The following HYCC1 variants were observed in gnomAD, a reference collection of about 807,000 sequenced individuals.
HYCC1 encodes the protein hyccin.
chr7:22,995,019 T>C, the HYCC1 span, among the ~76,000 whole-genome samples: 1 of 152,142 alleles, frequency 6.6e-6, no homozygotes, highest in Non-Finnish European at 1.5e-5. Context: ...TCTTCAACAG[T>C]TCTTCAAATG....
At chr7:22,936,400 C>T in the HYCC1 span, 1 of 152,170 alleles carries the variant, frequency 6.6e-6, no homozygotes, top group Non-Finnish European at 1.5e-5. Context: ...CCTATCCTTC[C>T]AGTATAGCCG....
At chr7:22,921,865 C>T in the HYCC1 span, among the ~76,000 whole-genome samples, 4 of 152,108 alleles carry the variant, frequency 2.6e-5, no homozygotes, top group Non-Finnish European at 5.9e-5. Flanking sequence ...TAGATCCATA[C>T]AGTTCAAATC....
the HYCC1 span, among the ~76,000 whole-genome samples, chr7:22,986,791 T>C: frequency 6.6e-6 from 1 of 152,158 alleles, no homozygotes; most frequent in Non-Finnish European, 1.5e-5. Context: ...GAGGTTGCAG[T>C]GAGCTGAGAA....
At chr7:22,979,470 T>C in the HYCC1 span, among the ~76,000 whole-genome samples, 2 of 152,138 alleles carry the variant, frequency 1.3e-5, no homozygotes, top group Admixed American at 1.3e-4. Flanking sequence ...GGAGGTAAAG[T>C]CATGCCATTC....
At chr7:22,936,374 G>C in the HYCC1 span, 1 of 152,176 alleles carries the variant, frequency 6.6e-6, no homozygotes, top group Non-Finnish European at 1.5e-5. Context: ...CTGTATTGTT[G>C]AAGTTCCTGT....
the HYCC1 span, among the ~76,000 whole-genome samples, chr7:23,011,120 C>T: frequency 6.6e-6 from 1 of 152,182 alleles, no homozygotes; most frequent in Admixed American, 6.5e-5. Context: ...GGCATCTTTC[C>T]TGATGGTCCT....
the HYCC1 span, among the ~76,000 whole-genome samples, chr7:22,969,852 TATCAGTTGGTTGCCATAG>T: frequency 6.6e-6 from 1 of 152,114 alleles, no homozygotes; most frequent in Non-Finnish European, 1.5e-5. Context: ...TTGATGTAGA[TATCAGTTGGTTGCCATAG>T]GAAGAGTCCT....
chr7:22,958,736 T>C, the HYCC1 span, among the ~76,000 whole-genome samples: 1 of 152,082 alleles, frequency 6.6e-6, no homozygotes, highest in Admixed American at 6.6e-5. Flanking sequence ...GCACACATAC[T>C]CTCTCTCATA....
the HYCC1 span, among the ~76,000 whole-genome samples, chr7:22,905,386 A>ATTTTTTT: frequency 8.1e-4 from 36 of 44,456 alleles, no homozygotes; most frequent in Non-Finnish European, 1.0e-3. Context: ...CTAATTTTGT[A>ATTTTTTT]TTTTTTTTTT....
chr7:23,003,638 T>C, the HYCC1 span, among the ~76,000 whole-genome samples: 2 of 152,202 alleles, frequency 1.3e-5, no homozygotes, highest in African/African-American at 4.8e-5. Flanking sequence ...TTTTACAATG[T>C]TGGGGACAAA....
At chr7:22,977,361 T>C in the HYCC1 span, 1 of 1,594,578 alleles carries the variant, frequency 6.3e-7, no homozygotes, top group Non-Finnish European at 8.6e-7. Context: ...ACAGATGGTT[T>C]GGATAAAGAT....
the HYCC1 span, chr7:22,976,670 G>T: frequency 7.2e-7 from 1 of 1,394,864 alleles, no homozygotes; most frequent in East Asian, 2.3e-5. Context: ...ATTAAGATAA[G>T]AATTTTTATC....
At chr7:22,961,387 GA>G in the HYCC1 span, 7 of 911,104 alleles carry the variant, frequency 7.7e-6, no homozygotes, top group Admixed American at 9.3e-5. Context: ...AATACAATGA[GA>G]AACTATCTTT....
At chr7:22,934,110 G>A in the HYCC1 span, 6 of 151,768 alleles carry the variant, frequency 4.0e-5, no homozygotes, top group Non-Finnish European at 7.4e-5. Context: ...CCCTTTTGAA[G>A]GGTTGTGAAA....
At chr7:22,995,408 C>T in the HYCC1 span, among the ~76,000 whole-genome samples, 1 of 152,116 alleles carries the variant, frequency 6.6e-6, no homozygotes, top group Admixed American at 6.6e-5. Flanking sequence ...CTAGAATTCT[C>T]CTCCTACAAT....
At chr7:22,928,883 G>C in the HYCC1 span, among the ~76,000 whole-genome samples, 1 of 152,162 alleles carries the variant, frequency 6.6e-6, no homozygotes, top group South Asian at 2.1e-4. Context: ...GCATTGCCAA[G>C]TCAATCCTAA....
the HYCC1 span, chr7:22,940,553 T>A: frequency 6.6e-6 from 1 of 152,006 alleles, no homozygotes; most frequent in Non-Finnish European, 1.5e-5. Flanking sequence ...CACCCAGCCA[T>A]AAGTTCTTTT....
chr7:22,946,881 T>G, the HYCC1 span: 1 of 1,281,080 alleles, frequency 7.8e-7, no homozygotes. Context: ...TTGGATTAGA[T>G]TACATGCAAA....
At chr7:22,929,328 A>T in the HYCC1 span, among the ~76,000 whole-genome samples, 1 of 152,256 alleles carries the variant, frequency 6.6e-6, no homozygotes, top group South Asian at 2.1e-4. Context: ...AACAAAAGTG[A>T]AAATTGACAA....
Sources: allele counts gnomAD v4.1 joint callset (sites outside exome capture counted in the v4.1 genomes callset), GRCh38; gene constraint gnomAD v4.1.1; transcripts MANE v1.5; gene names NCBI Gene and HGNC (gene_info 2026-07-23, HGNC 2026-07-21).